ANKS1B: variants seen among roughly 807,000 people sequenced by gnomAD.
The protein encoded by ANKS1B is ankyrin repeat and sterile alpha motif domain containing 1B.
ANKS1B carries 36 observed loss-of-function variants against 148.3 expected under a neutral mutation model. That is an observed-to-expected ratio of 0.24 (90% confidence interval 0.19 to 0.32). ANKS1B has a LOEUF of 0.32. Ranked by LOEUF, ANKS1B falls within the 10% of genes least tolerant of loss-of-function variation. The pLI, the probability that ANKS1B is intolerant of heterozygous loss-of-function variation, is 1.00. For missense variants in ANKS1B, 1,157 were observed against 1,542.6 expected, an observed-to-expected ratio of 0.75 and a Z score of 4.19; for synonymous variants, 542 against 560.8, an observed-to-expected ratio of 0.97 and a Z score of 0.47.
At chr12:99,481,717 A>G (rs2096413614) in intron 10 of ANKS1B, among the ~76,000 whole-genome samples, 1 of 151,828 alleles carries the variant, frequency 6.6e-6, no homozygotes, top group Non-Finnish European at 1.5e-5. Context: ...TTGACTTTTT[A>G]GTAATGGCCA....
At chr12:99,677,641 A>G (rs534195161) in intron 8 of ANKS1B, among the ~76,000 whole-genome samples, 13 of 152,320 alleles carry the variant, frequency 8.5e-5, no homozygotes, top group African/African-American at 3.1e-4. Flanking sequence ...TGCTTATGTA[A>G]TTCTGAATAA....
At chr12:98,835,169 G>A (rs769089917) in intron 17 of ANKS1B, among the ~76,000 whole-genome samples, 2 of 151,696 alleles carry the variant, frequency 1.3e-5, no homozygotes, top group Non-Finnish European at 2.9e-5. Context: ...TGGTACAATT[G>A]AGCTGATGTA....
intron 14 of ANKS1B, among the ~76,000 whole-genome samples, chr12:99,244,100 AAAG>A (rs2089877312): frequency 6.6e-6 from 1 of 152,066 alleles, no homozygotes; most frequent in Admixed American, 6.5e-5. Flanking sequence ...TAAAAAAAAA[AAAG>A]AAAAACTTCA....
chr12:99,838,828 C>A (rs1223101952), intron 1 of ANKS1B, among the ~76,000 whole-genome samples: 3 of 151,930 alleles, frequency 2.0e-5, no homozygotes, highest in African/African-American at 7.3e-5. Context: ...TAATTCAATA[C>A]CACTTTAAAA....
intron 17 of ANKS1B, among the ~76,000 whole-genome samples, chr12:98,876,034 A>C (rs1345032891): frequency 3.3e-5 from 5 of 152,192 alleles, no homozygotes; most frequent in African/African-American, 1.2e-4. Flanking sequence ...GCTGGTCTTT[A>C]AGTACAACTT....
At chr12:99,029,489 T>C (rs1408785627) in intron 17 of ANKS1B, among the ~76,000 whole-genome samples, 1 of 152,226 alleles carries the variant, frequency 6.6e-6, no homozygotes, top group Non-Finnish European at 1.5e-5. Flanking sequence ...GCTCACGCTT[T>C]AGAGCACTGT....
intron 17 of ANKS1B, among the ~76,000 whole-genome samples, chr12:99,046,412 GAC>G (rs1428520151): frequency 4.6e-5 from 7 of 152,102 alleles, no homozygotes; most frequent in Admixed American, 6.5e-5. Context: ...ACAATTAGAA[GAC>G]AAAGATATTA....
At chr12:98,919,631 A>G (rs907910669) in intron 17 of ANKS1B, among the ~76,000 whole-genome samples, 34 of 152,132 alleles carry the variant, frequency 2.2e-4, no homozygotes, top group African/African-American at 8.2e-4. Context: ...TTTCAAAACT[A>G]TCTAATTAGA....
At chr12:99,693,320 G>A (rs531671102) in intron 8 of ANKS1B, among the ~76,000 whole-genome samples, 2 of 152,284 alleles carry the variant, frequency 1.3e-5, no homozygotes, top group Non-Finnish European at 2.9e-5. Context: ...TGGAGTACTG[G>A]TTGTGATGGA....
At chr12:99,129,942 C>A (rs997307821) in intron 15 of ANKS1B, among the ~76,000 whole-genome samples, 4 of 152,108 alleles carry the variant, frequency 2.6e-5, no homozygotes, top group Non-Finnish European at 5.9e-5. Context: ...TCCAGTATTT[C>A]TTTCTGTATT....
At chr12:99,397,861 A>C (rs1266088908) in intron 12 of ANKS1B, among the ~76,000 whole-genome samples, 1 of 152,132 alleles carries the variant, frequency 6.6e-6, no homozygotes. Flanking sequence ...TGGTATGGGA[A>C]GGCCTCTATG....
intron 9 of ANKS1B, among the ~76,000 whole-genome samples, chr12:99,625,374 C>T (rs1167980427): frequency 6.6e-6 from 1 of 151,934 alleles, no homozygotes; most frequent in Non-Finnish European, 1.5e-5. Context: ...ACATGTACCC[C>T]GACTCTAAAA....
chr12:99,424,542 A>G (rs1212426824), intron 11 of ANKS1B, among the ~76,000 whole-genome samples: 1 of 151,970 alleles, frequency 6.6e-6, no homozygotes, highest in Non-Finnish European at 1.5e-5. Context: ...TTTGAAAAAA[A>G]TAGACTATCA....
chr12:99,711,987 C>T (rs1215629414), intron 8 of ANKS1B, among the ~76,000 whole-genome samples: 2 of 152,010 alleles, frequency 1.3e-5, no homozygotes, highest in Admixed American at 6.6e-5. Context: ...AATATGCTAC[C>T]TATACACCAT....
At chr12:99,372,746 G>A (rs2152476601) in intron 12 of ANKS1B, among the ~76,000 whole-genome samples, 1 of 152,092 alleles carries the variant, frequency 6.6e-6, no homozygotes, top group African/African-American at 2.4e-5. Flanking sequence ...TACTGCAAAA[G>A]TACACTGTGT....
chr12:99,349,801 A>T (rs2091188405), intron 12 of ANKS1B, among the ~76,000 whole-genome samples: 1 of 152,008 alleles, frequency 6.6e-6, no homozygotes, highest in Admixed American at 6.6e-5. Flanking sequence ...AAAATAAATG[A>T]CTTCAATGAT....
At chr12:98,846,025 C>CATATAT (rs61065461) in intron 17 of ANKS1B, among the ~76,000 whole-genome samples, 58,628 of 149,722 alleles carry the variant, frequency 0.39, 13,668 homozygotes, top group South Asian at 0.65. Context: ...CACATACACA[C>CATATAT]ATATATATAT....
intron 12 of ANKS1B, among the ~76,000 whole-genome samples, chr12:99,265,442 T>C (rs2076355636): frequency 6.6e-6 from 1 of 152,190 alleles, no homozygotes; most frequent in Non-Finnish European, 1.5e-5. Context: ...GGCCCTGCTC[T>C]AGAACATCTT....
intron 17 of ANKS1B, among the ~76,000 whole-genome samples, chr12:98,857,928 G>A (rs1595648127): frequency 6.6e-6 from 1 of 152,140 alleles, no homozygotes; most frequent in East Asian, 1.9e-4. Context: ...GCTATATTTT[G>A]TGTAACACAC....
Sources: gnomAD v4.1 joint callset for allele counts (sites outside exome capture counted in the v4.1 genomes callset) on GRCh38, gnomAD v4.1.1 for gene constraint, MANE v1.5 for transcripts, NCBI Gene and HGNC (gene_info 2026-07-23, HGNC 2026-07-21) for gene names.